Variants in CNBD2 observed in about 807,000 individuals in gnomAD.
CNBD2 encodes cyclic nucleotide binding domain containing 2, also known as cyclic nucleotide-binding domain-containing protein 2.
Under a neutral mutation model 63.7 loss-of-function variants are expected in CNBD2, and 64 were observed. The observed-to-expected ratio is 1.00, with a 90% CI of 0.82 to 1.24. The LOEUF (loss-of-function observed/expected upper bound fraction) is 1.24. CNBD2 is among the 50% of genes most tolerant of loss of function. CNBD2 has a pLI of 0.00. For synonymous variants in CNBD2, 229 were observed against 255.4 expected (o/e 0.90, Z 0.99); for missense variants, 691 against 713.5 (o/e 0.97, Z 0.36).
At chr20:35,973,203 C>T (rs930916269) in intron 2 of CNBD2, 4 of 197,450 alleles carry the variant, frequency 2.0e-5, no homozygotes, top group Middle Eastern at 1.8e-3. Flanking sequence ...TACTAATACA[C>T]CTCCCTCCAT....
At chr20:36,022,200 T>TCTTTTC (rs199719458) in intron 10 of CNBD2, among the ~76,000 whole-genome samples, 3 of 106,390 alleles carry the variant, frequency 2.8e-5, no homozygotes, top group East Asian at 2.6e-4. Flanking sequence ...TTTTTCTTTT[T>TCTTTTC]TTTTTTTTTT....
chr20:35,963,342 A>C (rs2056322015), intron 2 of CNBD2, among the ~76,000 whole-genome samples: 1 of 150,002 alleles, frequency 6.7e-6, no homozygotes, highest in Non-Finnish European at 1.5e-5. Flanking sequence ...CCTTGTCTCC[A>C]AATTAAAAAA....
intron 2 of CNBD2, among the ~76,000 whole-genome samples, chr20:35,962,918 T>A (rs563203784): frequency 6.6e-6 from 1 of 152,356 alleles, no homozygotes; most frequent in South Asian, 2.1e-4. Flanking sequence ...CTTTTTAGGC[T>A]CTGGAACGGT....
chr20:35,984,321 A>G lies in CNBD2; in HGVS notation c.564+183A>G, dbSNP rs1465180017. Among the ~76,000 whole-genome samples, 3 of 152,170 alleles carry G rather than the reference A, an allele frequency of 2.0e-5. No individual in the cohort carries two copies. The East Asian group carries it at 5.8e-4, about 29-fold the overall frequency. On this transcript the variant is annotated intron_variant, in intron 5 of 11. Coordinates refer to ENST00000373973, the MANE Select transcript of CNBD2 (RefSeq NM_001365709.1). Reference sequence around the variant, plus strand: ...ACTAAGATCAGCCTCTTCATCTGTGATGTTTAAGAAGTATGTTCCTGATAC... The same window carrying G: ...ACTAAGATCAGCCTCTTCATCTGTGGTGTTTAAGAAGTATGTTCCTGATAC...
chr20:35,968,129 C>T (rs1264411614), upstream of CNBD2, among the ~76,000 whole-genome samples: 4 of 152,164 alleles, frequency 2.6e-5, no homozygotes, highest in Admixed American at 6.5e-5. Context: ...GTGTAGTATA[C>T]GCATTCCTAC....
At chr20:35,995,218 A>C (rs551221898) in intron 8 of CNBD2, 66 bp downstream of exon 8, 1 of 1,063,852 alleles carries the variant, frequency 9.4e-7, no homozygotes, top group African/African-American at 1.6e-5. Flanking sequence ...AGTTCCCAGC[A>C]CATAGAGCCT....
intron 10 of CNBD2, among the ~76,000 whole-genome samples, chr20:36,014,581 G>A (rs1045606039): frequency 6.7e-6 from 1 of 149,968 alleles, no homozygotes; most frequent in African/African-American, 2.5e-5. Flanking sequence ...CACCCACCTC[G>A]GCCTACCAAA....
At chr20:36,017,841 C>T (rs976413615) in intron 10 of CNBD2, among the ~76,000 whole-genome samples, 8 of 152,198 alleles carry the variant, frequency 5.3e-5, no homozygotes, top group African/African-American at 1.9e-4. Context: ...TGCCCCACCT[C>T]TGCGCCCACA....
chr20:35,984,572 G>T (rs2056641049), intron 5 of CNBD2, 55 bp from the exon 6 acceptor site: 1 of 1,590,136 alleles, frequency 6.3e-7, no homozygotes, highest in African/African-American at 1.3e-5. Context: ...GTGTAAGGCT[G>T]AGGACAGGAA....
At chr20:36,029,941 G>C (rs1385510352) in intron 11 of CNBD2, among the ~76,000 whole-genome samples, 1 of 152,166 alleles carries the variant, frequency 6.6e-6, no homozygotes, top group Non-Finnish European at 1.5e-5. Context: ...TCTACCTCCT[G>C]TCTCTACAGA....
chr20:35,995,164 TGGCCTGTCTGACAGCAGGGGGCGCCTG>T lies in CNBD2; in HGVS notation c.970+21_970+47del. On this transcript the variant is annotated intron_variant, in intron 8 of 11. Coordinates refer to ENST00000373973, the MANE Select transcript of CNBD2 (RefSeq NM_001365709.1). ...GACCCACCTGAGTGGTAAGCTGCCT[TGGCCTGTCTGACAGCAGGGGGCGCCTG>T]GGCCTGTCCTGTTTCCAGTTCCCAG... 1 of 1,591,078 alleles carries T rather than the reference TGGCCTGTCTGACAGCAGGGGGCGCCTG, an allele frequency of 6.3e-7. No individual in the cohort carries two copies. The highest frequency in any genetic ancestry group is 8.6e-7 in the Non-Finnish European group (1 of 1,160,250).
chr20:35,991,919 C>T (rs1031631517), intron 7 of CNBD2, among the ~76,000 whole-genome samples: 5 of 151,598 alleles, frequency 3.3e-5, no homozygotes, highest in East Asian at 1.9e-4. Flanking sequence ...TCATTCCTGT[C>T]GCCCAGGCTG....
At chr20:35,962,183 C>G (rs529732162) in intron 2 of CNBD2, among the ~76,000 whole-genome samples, 3 of 152,196 alleles carry the variant, frequency 2.0e-5, no homozygotes, top group Non-Finnish European at 4.4e-5. Context: ...AGTGCTTAAC[C>G]CAGAAAGGCT....
intron 10 of CNBD2, among the ~76,000 whole-genome samples, chr20:36,022,207 T>TC (rs1335848715): frequency 4.7e-5 from 6 of 127,266 alleles, no homozygotes; most frequent in Non-Finnish European, 8.2e-5. Context: ...TTTTTTTTTT[T>TC]TTTTTTTTTT....
upstream of CNBD2, chr20:35,954,586 C>T (rs1224240768): frequency 7.0e-7 from 1 of 1,426,462 alleles, no homozygotes; most frequent in African/African-American, 1.4e-5. Flanking sequence ...TCGCATGAGG[C>T]GGCTGCTGCC....
chr20:35,968,575 A>G (rs2056367227), upstream of CNBD2: 10 of 521,654 alleles, frequency 1.9e-5, no homozygotes, highest in South Asian at 2.1e-4. Context: ...GGAGATTCTG[A>G]GAATGATTTT....
intron 8 of CNBD2, among the ~76,000 whole-genome samples, chr20:36,003,163 A>C (rs147257342): frequency 6.6e-6 from 1 of 152,108 alleles, no homozygotes; most frequent in Non-Finnish European, 1.5e-5. Flanking sequence ...CCACAACTCT[A>C]CTTAATATAC....
chr20:35,965,505 T>G (rs1052790582), upstream of CNBD2, among the ~76,000 whole-genome samples: 1 of 152,164 alleles, frequency 6.6e-6, no homozygotes, highest in Admixed American at 6.5e-5. Context: ...GTTTGTGGAA[T>G]TGAATCGAAC....
intron 8 of CNBD2, among the ~76,000 whole-genome samples, chr20:36,007,014 C>T (rs1287103975): frequency 2.0e-5 from 3 of 151,862 alleles, no homozygotes; most frequent in African/African-American, 4.8e-5. Flanking sequence ...ATGGTGAAAC[C>T]CTGTCTCTAC....
Sources: gnomAD v4.1 joint callset for allele counts (sites outside exome capture counted in the v4.1 genomes callset) on GRCh38, gnomAD v4.1.1 for gene constraint, MANE v1.5 for transcripts, NCBI Gene and HGNC (gene_info 2026-07-23, HGNC 2026-07-21) for gene names.